ATP8A1: variants seen among roughly 807,000 people sequenced by gnomAD.
The protein encoded by ATP8A1 is phospholipid-transporting ATPase IA.
A neutral mutation model predicts 177.7 loss-of-function variants in ATP8A1; 90 were observed. That is an observed-to-expected ratio of 0.51 (90% confidence interval 0.43 to 0.60). The LOEUF is 0.60. Among genes scored for constraint, ATP8A1 ranks in the 20% least tolerant of loss-of-function variants. The pLI, the probability that ATP8A1 is intolerant of heterozygous loss-of-function variation, is 0.00. For synonymous variants in ATP8A1, 493 were observed against 485.9 expected (o/e 1.01, Z -0.19); for missense variants, 1,072 against 1,392.8 (o/e 0.77, Z 3.67).
At chr4:42,610,582 CAAAA>C (rs369420258) in intron 5 of ATP8A1, among the ~76,000 whole-genome samples, 6 of 127,678 alleles carry the variant, frequency 4.7e-5, no homozygotes, top group African/African-American at 3.2e-5. Flanking sequence ...CCTTTGTGTG[CAAAA>C]AAAAAAAAAA....
chr4:42,467,501 G>A (rs968605864), intron 25 of ATP8A1, among the ~76,000 whole-genome samples: 2 of 152,116 alleles, frequency 1.3e-5, no homozygotes, highest in African/African-American at 4.8e-5. Context: ...AGACCAGCCT[G>A]GGCAACATGG....
At chr4:42,554,499 G>A (rs987128620) in intron 16 of ATP8A1, among the ~76,000 whole-genome samples, 5 of 152,144 alleles carry the variant, frequency 3.3e-5, no homozygotes, top group Non-Finnish European at 7.3e-5. Flanking sequence ...TTGAAGGCTC[G>A]CGCAGAAAAG....
chr4:42,469,024 G>C (rs1720112609), intron 25 of ATP8A1, among the ~76,000 whole-genome samples: 1 of 151,548 alleles, frequency 6.6e-6, no homozygotes, highest in African/African-American at 2.4e-5. Flanking sequence ...GAAACTGCAT[G>C]TTTTTGTAGC....
At chr4:42,594,377 G>A in intron 6 of ATP8A1, 1 of 1,430,290 alleles carries the variant, frequency 7.0e-7, no homozygotes, top group African/African-American at 1.4e-5. Context: ...AAGAAAACTG[G>A]GAATTGGTTA....
At chr4:42,519,715 C>G (rs1360809103) in intron 22 of ATP8A1, among the ~76,000 whole-genome samples, 1 of 152,206 alleles carries the variant, frequency 6.6e-6, no homozygotes, top group Non-Finnish European at 1.5e-5. Flanking sequence ...TCATTTGGAG[C>G]AGGCTGGCTG....
At chr4:42,462,230 A>G (rs1454660064) in intron 27 of ATP8A1, among the ~76,000 whole-genome samples, 1 of 152,256 alleles carries the variant, frequency 6.6e-6, no homozygotes. Flanking sequence ...TTAATCCTCA[A>G]GACAACGGGG....
chr4:42,448,322 T>C (rs1029891205), intron 30 of ATP8A1, among the ~76,000 whole-genome samples: 5 of 151,900 alleles, frequency 3.3e-5, no homozygotes, highest in African/African-American at 1.2e-4. Context: ...TTTAATAATC[T>C]TTTCCAATAA....
At chr4:42,596,882 T>C (rs1457405198) in intron 6 of ATP8A1, among the ~76,000 whole-genome samples, 6 of 152,234 alleles carry the variant, frequency 3.9e-5, no homozygotes, top group Non-Finnish European at 7.4e-5. Context: ...CTGCACCTCA[T>C]TGTAAAGAAA....
intron 6 of ATP8A1, among the ~76,000 whole-genome samples, chr4:42,600,113 G>A (rs1369146838): frequency 1.4e-5 from 2 of 146,388 alleles, no homozygotes; most frequent in Non-Finnish European, 3.0e-5. Context: ...TGAATTGGAA[G>A]TAAAATATGC....
chr4:42,495,297 A>C (rs1723150426), intron 24 of ATP8A1, among the ~76,000 whole-genome samples: 1 of 152,262 alleles, frequency 6.6e-6, no homozygotes, highest in Non-Finnish European at 1.5e-5. Flanking sequence ...GTTCTTAAAG[A>C]GTGAGTTATG....
At chr4:42,633,452 A>T (rs142020200) in intron 1 of ATP8A1, among the ~76,000 whole-genome samples, 4 of 152,334 alleles carry the variant, frequency 2.6e-5, no homozygotes, top group Non-Finnish European at 5.9e-5. Context: ...AACATACTTA[A>T]GAATCTACTA....
At chr4:42,486,388 T>C (rs1722206825) in intron 24 of ATP8A1, among the ~76,000 whole-genome samples, 1 of 152,152 alleles carries the variant, frequency 6.6e-6, no homozygotes, top group Admixed American at 6.6e-5. Context: ...TTAGGCTAAA[T>C]TGTGGGAGCT....
chr4:42,440,862 G>A (rs1345197677), intron 33 of ATP8A1, among the ~76,000 whole-genome samples: 1 of 152,040 alleles, frequency 6.6e-6, no homozygotes, highest in Non-Finnish European at 1.5e-5. Flanking sequence ...ACCTCTACAA[G>A]GTACCATCCT....
At chr4:42,567,351 C>T (rs1215751612) in intron 15 of ATP8A1, among the ~76,000 whole-genome samples, 1 of 152,224 alleles carries the variant, frequency 6.6e-6, no homozygotes, top group East Asian at 1.9e-4. Context: ...CTAGCCTGGC[C>T]AACATAGTAA....
Position 42,426,634 on chromosome 4 carries a change from C to CA in ATP8A1, c.3124-2930_3124-2929insT, listed in dbSNP as rs1714655493. On this transcript the variant is annotated intron_variant, in intron 33 of 36. Coordinates refer to ENST00000381668, the MANE Select transcript of ATP8A1 (RefSeq NM_006095.2). ...ATAACATTGATTATTAACAAACTTTCTTCATTTCAATTGTCAAATTTCTTT... is the reference window on the plus strand; with the variant it reads ...ATAACATTGATTATTAACAAACTTTCATTCATTTCAATTGTCAAATTTCTTT... 2.0e-5 allele frequency among the ~76,000 whole-genome samples: 3 copies of CA among 152,224 alleles called. No homozygotes were observed. In the South Asian group the frequency reaches 6.2e-4, roughly 31 times the overall value.
chr4:42,414,656 C>T lies in ATP8A1; in HGVS notation c.3368G>A (p.Arg1123His), dbSNP rs569311998. 48 of 1,613,802 alleles carry T rather than the reference C, an allele frequency of 3.0e-5. No individual in the cohort carries two copies. The highest frequency in any genetic ancestry group is 1.6e-4 in the Middle Eastern group (1 of 6,062). Residue 1123 changes from arginine (R) to histidine (H), a missense_variant, in exon 36 of 37, where the codon CGC becomes CAC. Arg to His is a conservative substitution (Grantham distance 29). Coordinates refer to ENST00000381668, the MANE Select transcript of ATP8A1 (RefSeq NM_006095.2). ...CAGATTTTGTTGCAAGGATTCAGAG[C>T]GGTACAAGTTCACGTGGTTCTTCTT... ...VFKKNHVNLY[R>H]SESLQQNLLH...
In ATP8A1 at chr4:42,414,691, C is replaced by T. The variant is rs765795614; in HGVS notation, c.3333G>A (p.Lys1111=). Residue 1111 remains lysine (K), a synonymous_variant, in exon 36 of 37, where the codon AAG becomes AAA. Transcript: ENST00000381668. The part of the protein sequence containing the change: ...KSLTERAQLL[K]NVFKKNHVNL... ...TCACGTGGTTCTTCTTAAAGACGTTCTTGAGCAGTTGCGCCCTCTCGGTCA... is the reference window on the plus strand; with the variant it reads ...TCACGTGGTTCTTCTTAAAGACGTTTTTGAGCAGTTGCGCCCTCTCGGTCA... The T allele has an allele frequency of 3.7e-6, 6 of 1,613,878 alleles. No homozygotes were observed. In the East Asian group the frequency reaches 1.1e-4, roughly 30 times the overall value.
intron 33 of ATP8A1, among the ~76,000 whole-genome samples, chr4:42,424,749 A>AT (rs1430862936): frequency 6.6e-6 from 1 of 152,156 alleles, no homozygotes; most frequent in Non-Finnish European, 1.5e-5. Context: ...TGCTGTTTAA[A>AT]TTTTTTCTGC....
intron 1 of ATP8A1, among the ~76,000 whole-genome samples, chr4:42,632,080 C>CA (rs1738796629): frequency 6.6e-6 from 1 of 152,178 alleles, no homozygotes; most frequent in South Asian, 2.1e-4. Context: ...TTTCACAGAG[C>CA]AAATTGGCAG....
Sources: gnomAD v4.1 joint callset for allele counts (sites outside exome capture counted in the v4.1 genomes callset) on GRCh38, gnomAD v4.1.1 for gene constraint, MANE v1.5 for transcripts, NCBI Gene and HGNC (gene_info 2026-07-23, HGNC 2026-07-21) for gene names.